The following CEP128 variants were observed in gnomAD, a reference collection of about 807,000 sequenced individuals.
CEP128 encodes centrosomal protein 128kDa.
Under a neutral mutation model 156.7 loss-of-function variants are expected in CEP128, and 132 were observed. The observed-to-expected ratio is 0.84, with a 90% confidence interval of 0.73 to 0.97. The LOEUF (loss-of-function observed/expected upper bound fraction) is 0.97, where lower values mean the gene tolerates loss of function less well. Among genes scored for constraint, CEP128 ranks in the 50% least tolerant of loss-of-function variants. The pLI, the probability that CEP128 is intolerant of heterozygous loss-of-function variation, is 0.00. For missense variants in CEP128, 1,252 were observed against 1,281.9 expected, an observed-to-expected ratio of 0.98 and a Z score of 0.36; for synonymous variants, 469 against 448.9, an observed-to-expected ratio of 1.04 and a Z score of -0.57.
chr14:80,830,313 G>T, intron 13 of CEP128: 2 of 530,038 alleles, frequency 3.8e-6, no homozygotes, highest in East Asian at 3.1e-5. Flanking sequence ...ACACAGATGA[G>T]TAACATTAAA....
At chr14:80,695,740 G>A (rs1301993197) in intron 19 of CEP128, among the ~76,000 whole-genome samples, 2 of 151,784 alleles carry the variant, frequency 1.3e-5, no homozygotes, top group Non-Finnish European at 2.9e-5. Context: ...AAATTGCAGG[G>A]TGTGTTCAGG....
Position 80,899,892 on chromosome 14 carries a change from C to A in CEP128, c.572+46G>T, listed in dbSNP as rs752968643. Reference sequence around the variant, plus strand: ...TGTCAATTACAGAAGCTAATTTATTCTCCTCATAATTTATCCCTCCCATAA... The same window carrying A: ...TGTCAATTACAGAAGCTAATTTATTATCCTCATAATTTATCCCTCCCATAA... On this transcript the variant is annotated intron_variant, in intron 7 of 24. Transcript: ENST00000555265. 5 of 1,279,348 alleles carry A rather than the reference C, an allele frequency of 3.9e-6. No individual in the cohort carries two copies. In the South Asian group the frequency reaches 6.2e-5, roughly 16 times the overall value. The allele number at this position is 1,279,348 out of a possible 1,614,324, so 79.2% of individuals were successfully genotyped here.
intron 19 of CEP128, among the ~76,000 whole-genome samples, chr14:80,723,929 C>A (rs958627899): frequency 1.3e-5 from 2 of 152,176 alleles, no homozygotes; most frequent in Non-Finnish European, 1.5e-5. Context: ...TAGTAACTTA[C>A]GCAGAACAGA....
chr14:80,532,225 G>A (rs139839421), intron 21 of CEP128, among the ~76,000 whole-genome samples: 8 of 151,752 alleles, frequency 5.3e-5, no homozygotes, highest in Non-Finnish European at 8.8e-5. Flanking sequence ...ACAGGGTCTC[G>A]CTCTGTTGTC....
chr14:80,601,591 T>C (rs1239234712), intron 19 of CEP128, among the ~76,000 whole-genome samples: 1 of 152,214 alleles, frequency 6.6e-6, no homozygotes, highest in Non-Finnish European at 1.5e-5. Context: ...ACTGTACAAC[T>C]AGGCTATATA....
Position 80,530,905 on chromosome 14 carries a change from G to T in CEP128, c.2881-19C>A. On this transcript the variant is annotated intron_variant, in intron 21 of 24. Coordinates refer to ENST00000555265, the MANE Select transcript of CEP128 (RefSeq NM_152446.5). The stretch of plus-strand genomic sequence containing the variant: ...GGGTACTCTGAAATAGAAAACATAA[G>T]GAAACCAAACATTATAAAAAATTGA... The T allele has an allele frequency of 6.5e-7, 1 of 1,538,362 alleles. No homozygotes were observed. Among genetic ancestry groups the T allele is most frequent in the Non-Finnish European group, 8.9e-7 (1 of 1,125,914 alleles).
intron 14 of CEP128, among the ~76,000 whole-genome samples, chr14:80,482,050 G>A (rs1169843374): frequency 2.0e-5 from 3 of 152,128 alleles, no homozygotes; most frequent in Admixed American, 2.0e-4. Flanking sequence ...TGGGAGAATC[G>A]CTTTTTAAAG....
chr14:80,955,868 A>T, intron 2 of CEP128: 1 of 1,614,080 alleles, frequency 6.2e-7, no homozygotes, highest in Non-Finnish European at 8.5e-7. Flanking sequence ...CCCGGGAGAG[A>T]TCAGGGTAGG....
At chr14:80,666,948 A>T (rs1202589360) in intron 19 of CEP128, among the ~76,000 whole-genome samples, 2 of 152,178 alleles carry the variant, frequency 1.3e-5, no homozygotes, top group Non-Finnish European at 2.9e-5. Flanking sequence ...TTTGTTTCAA[A>T]AACACACCAA....
intron 2 of CEP128, among the ~76,000 whole-genome samples, chr14:80,930,354 C>T (rs973667043): frequency 2.0e-5 from 3 of 152,170 alleles, no homozygotes; most frequent in Admixed American, 1.3e-4. Flanking sequence ...ATTTTATTTA[C>T]CACTTCTGTC....
intron 16 of CEP128, among the ~76,000 whole-genome samples, chr14:80,764,273 T>C (rs902930986): frequency 1.4e-5 from 2 of 146,610 alleles, no homozygotes; most frequent in South Asian, 2.2e-4. Context: ...CCGAGGCGGG[T>C]GGATCATGAG....
At chr14:80,891,184 C>G (rs1337436877) in intron 8 of CEP128, among the ~76,000 whole-genome samples, 1 of 152,088 alleles carries the variant, frequency 6.6e-6, no homozygotes, top group Non-Finnish European at 1.5e-5. Flanking sequence ...ACCACATGAT[C>G]CAGCAATCCC....
intron 17 of CEP128, among the ~76,000 whole-genome samples, chr14:80,759,153 A>G (rs565021859): frequency 6.6e-6 from 1 of 152,354 alleles, no homozygotes; most frequent in South Asian, 2.1e-4. Flanking sequence ...ATTGTAGTGT[A>G]CGTCTGTCCT....
chr14:80,629,187 T>C (rs1302511629), intron 19 of CEP128, among the ~76,000 whole-genome samples: 4 of 151,974 alleles, frequency 2.6e-5, no homozygotes, highest in African/African-American at 9.7e-5. Flanking sequence ...GAGCTGTGTC[T>C]TCTCAGTAAG....
intron 19 of CEP128, among the ~76,000 whole-genome samples, chr14:80,609,404 T>A (rs80084127): frequency 6.6e-6 from 1 of 152,194 alleles, no homozygotes; most frequent in Non-Finnish European, 1.5e-5. Context: ...ACTGCATGTA[T>A]ATAAGGAATT....
At chr14:80,656,278 TTTATATATATATTTATA>T (rs1895139687) in intron 19 of CEP128, among the ~76,000 whole-genome samples, 4 of 22,778 alleles carry the variant, frequency 1.8e-4, no homozygotes, top group African/African-American at 5.9e-4. Context: ...TAAGTTTTTA[TTTATATATATATTTATA>T]TATATATATA....
intron 13 of CEP128, among the ~76,000 whole-genome samples, chr14:80,829,790 A>G (rs964843511): frequency 6.6e-6 from 1 of 152,220 alleles, no homozygotes; most frequent in African/African-American, 2.4e-5. Flanking sequence ...CCCCTAACCC[A>G]TAAGAAATTG....
At chr14:80,820,092 T>C (rs952822982) in intron 13 of CEP128, among the ~76,000 whole-genome samples, 1 of 152,208 alleles carries the variant, frequency 6.6e-6, no homozygotes, top group Non-Finnish European at 1.5e-5. Context: ...ATATTTTGGA[T>C]GTAGGATTTG....
chr14:80,676,740 T>A (rs752343016), intron 19 of CEP128, among the ~76,000 whole-genome samples: 1 of 152,198 alleles, frequency 6.6e-6, no homozygotes. Flanking sequence ...GTAACACGAA[T>A]TTGTGTTGGA....
Sources: gnomAD v4.1 joint callset for allele counts (sites outside exome capture counted in the v4.1 genomes callset) on GRCh38, gnomAD v4.1.1 for gene constraint, MANE v1.5 for transcripts, NCBI Gene and HGNC (gene_info 2026-07-23, HGNC 2026-07-21) for gene names.